The following DPYD variants were observed in gnomAD, a reference collection of about 807,000 sequenced individuals.
DPYD encodes the protein dihydropyrimidine dehydrogenase [NADP(+)].
DPYD carries 109 observed loss-of-function variants against 116.2 expected under a neutral mutation model. The observed-to-expected ratio is 0.94, with a 90% CI of 0.80 to 1.10. The LOEUF is 1.10. Ranked by LOEUF, DPYD falls within the 50% of genes least tolerant of loss-of-function variation. DPYD has a pLI of 0.00. For missense variants in DPYD, 1,302 were observed against 1,254.5 expected, an observed-to-expected ratio of 1.04 and a Z score of -0.57; for synonymous variants, 440 against 432.0, an observed-to-expected ratio of 1.02 and a Z score of -0.23.
intron 13 of DPYD, among the ~76,000 whole-genome samples, chr1:97,453,804 A>C (rs944760605): frequency 3.3e-5 from 5 of 152,080 alleles, no homozygotes; most frequent in Non-Finnish European, 5.9e-5. Context: ...AATATAGCAT[A>C]GGAAAGTTAT....
At chr1:97,667,467 T>TA (rs1463140474) in intron 8 of DPYD, among the ~76,000 whole-genome samples, 1 of 152,138 alleles carries the variant, frequency 6.6e-6, no homozygotes, top group African/African-American at 2.4e-5. Context: ...TTTCTGTTGG[T>TA]AACAAGCAGG....
Position 97,356,203 on chromosome 1 carries a change from T to A in DPYD, c.2058+17358A>T, listed in dbSNP as rs74341166. ...CACCGATGTTGAGCATTTTTTCATA[T>A]GCCTATTGGTCATTTGTGTTATTTC... On this transcript the variant is annotated intron_variant, in intron 16 of 22. Coordinates refer to ENST00000370192, the MANE Select transcript of DPYD (RefSeq NM_000110.4). Among the ~76,000 whole-genome samples, 1,269 of 152,280 alleles carry A rather than the reference T, an allele frequency of 8.3e-3. 17 individuals are homozygous for A. Among genetic ancestry groups the A allele is most frequent in the African/African-American group, 0.029 (1,201 of 41,558 alleles).
At chr1:97,681,435 T>C (rs1383190240) in intron 7 of DPYD, among the ~76,000 whole-genome samples, 3 of 152,156 alleles carry the variant, frequency 2.0e-5, no homozygotes, top group Non-Finnish European at 4.4e-5. Context: ...TTTGTCTTCC[T>C]AAAATAGTAA....
chr1:97,724,894 G>A (rs1266014872), intron 4 of DPYD, among the ~76,000 whole-genome samples: 1 of 148,826 alleles, frequency 6.7e-6, no homozygotes, highest in Non-Finnish European at 1.5e-5. Context: ...GTGACAGAGT[G>A]GGGAGGGATA....
intron 16 of DPYD, among the ~76,000 whole-genome samples, chr1:97,320,002 T>C: frequency 7.1e-6 from 1 of 140,160 alleles, no homozygotes; most frequent in African/African-American, 2.6e-5. Context: ...TCTCAATAGA[T>C]GCAGAAAAGG....
At chr1:97,491,333 A>G (rs1012523039) in intron 13 of DPYD, among the ~76,000 whole-genome samples, 1 of 151,520 alleles carries the variant, frequency 6.6e-6, no homozygotes, top group Non-Finnish European at 1.5e-5. Context: ...TGCCTGGGAT[A>G]TAAGTGCACA....
intron 2 of DPYD, among the ~76,000 whole-genome samples, chr1:97,848,993 T>C (rs1670446479): frequency 6.6e-6 from 1 of 152,122 alleles, no homozygotes; most frequent in East Asian, 1.9e-4. Flanking sequence ...ATGATAGTGA[T>C]TACAATTACA....
intron 22 of DPYD, 140 bp from the exon 23 acceptor site, chr1:97,079,286 C>A: frequency 3.6e-6 from 3 of 832,564 alleles, no homozygotes; most frequent in Admixed American, 1.9e-5. Flanking sequence ...GCAACTATAG[C>A]AACAGTTGAG....
intron 2 of DPYD, among the ~76,000 whole-genome samples, chr1:97,829,517 G>A (rs1404038104): frequency 6.6e-6 from 1 of 152,012 alleles, no homozygotes; most frequent in Non-Finnish European, 1.5e-5. Context: ...ATTTTTAGAA[G>A]TGTCTTTCAA....
chr1:97,820,773 G>T (rs1005922895), intron 3 of DPYD, among the ~76,000 whole-genome samples: 10 of 152,016 alleles, frequency 6.6e-5, no homozygotes, highest in Non-Finnish European at 1.0e-4. Flanking sequence ...AATAGACTTC[G>T]CTCTGCAAAT....
At chr1:97,812,776 G>T (rs976774143) in intron 3 of DPYD, among the ~76,000 whole-genome samples, 1 of 152,012 alleles carries the variant, frequency 6.6e-6, no homozygotes, top group Non-Finnish European at 1.5e-5. Context: ...TTATTAGTTT[G>T]CTCATATTAA....
chr1:97,429,682 A>G (rs1040717809), intron 14 of DPYD, among the ~76,000 whole-genome samples: 1 of 152,152 alleles, frequency 6.6e-6, no homozygotes, highest in Non-Finnish European at 1.5e-5. Flanking sequence ...GTGATAAAGT[A>G]TGTCTACTAC....
At chr1:97,920,496 G>C (rs1674451629) in intron 1 of DPYD, among the ~76,000 whole-genome samples, 1 of 152,096 alleles carries the variant, frequency 6.6e-6, no homozygotes, top group South Asian at 2.1e-4. Flanking sequence ...GTCCAGAAAC[G>C]ACATACAGGA....
At chr1:97,134,950 A>C (rs1653670477) in intron 20 of DPYD, among the ~76,000 whole-genome samples, 1 of 150,706 alleles carries the variant, frequency 6.6e-6, no homozygotes, top group African/African-American at 2.4e-5. Flanking sequence ...AACAGTACCT[A>C]GTGGGTTACT....
intron 11 of DPYD, among the ~76,000 whole-genome samples, chr1:97,567,076 CT>C (rs1016420966): frequency 2.0e-4 from 31 of 152,192 alleles, no homozygotes; most frequent in African/African-American, 7.5e-4. Context: ...TTGAAAAATT[CT>C]TGAATTTTTG....
intron 12 of DPYD, chr1:97,545,862 T>C: frequency 9.2e-7 from 1 of 1,089,586 alleles, no homozygotes. Flanking sequence ...AAGAGGACAA[T>C]CTTAGACAGG....
At chr1:97,863,218 T>G (rs941943677) in intron 2 of DPYD, among the ~76,000 whole-genome samples, 1 of 151,854 alleles carries the variant, frequency 6.6e-6, no homozygotes, top group Non-Finnish European at 1.5e-5. Flanking sequence ...CCCCTTTCTT[T>G]GATAAAGAAA....
chr1:97,460,822 C>T (rs979836002), intron 13 of DPYD, among the ~76,000 whole-genome samples: 2 of 151,982 alleles, frequency 1.3e-5, no homozygotes, highest in South Asian at 2.1e-4. Context: ...GCGGATCACC[C>T]GAGGTCGGGA....
intron 5 of DPYD, among the ~76,000 whole-genome samples, chr1:97,705,306 C>T (rs540125257): frequency 5.3e-5 from 8 of 152,150 alleles, no homozygotes; most frequent in East Asian, 1.9e-4. Context: ...CAACAGTCCC[C>T]GGTGTGTGGT....
Sources: allele counts gnomAD v4.1 joint callset (sites outside exome capture counted in the v4.1 genomes callset), GRCh38; gene constraint gnomAD v4.1.1; transcripts MANE v1.5; gene names NCBI Gene and HGNC (gene_info 2026-07-23, HGNC 2026-07-21).